The following POLR1E variants were observed in gnomAD, a reference collection of about 807,000 sequenced individuals.
The protein encoded by POLR1E is DNA-directed RNA polymerase I subunit RPA49.
Under a neutral mutation model 50.9 loss-of-function variants are expected in POLR1E, and 37 were observed. That is an observed-to-expected ratio of 0.73 (90% CI 0.56 to 0.96). POLR1E has a LOEUF of 0.96. POLR1E is among the 40% of genes least tolerant of loss of function. The probability of loss-of-function intolerance (pLI) is 0.00; values close to 1 mark genes in which losing one functional copy is unlikely to be tolerated. For synonymous variants in POLR1E, 166 were observed against 191.6 expected (o/e 0.87, Z 1.10); for missense variants, 426 against 518.1 (o/e 0.82, Z 1.73).
intron 3 of POLR1E, among the ~76,000 whole-genome samples, chr9:37,488,330 C>G (rs1318145823): frequency 3.9e-5 from 6 of 152,072 alleles, no homozygotes; most frequent in African/African-American, 1.4e-4. Context: ...GCCTGGGATT[C>G]CCATCCAGCT....
chr9:37,488,032 C>G lies in POLR1E; in HGVS notation c.257+93C>G, dbSNP rs189709984. 1,270 of 1,289,544 alleles carry G rather than the reference C, an allele frequency of 9.8e-4. 12 individuals are homozygous for G. The African/African-American group carries it at 0.016, about 16-fold the overall frequency. The allele number at this position is 1,289,544 out of a possible 1,614,324, so 79.9% of individuals were successfully genotyped here. A position where few individuals can be genotyped will look rare whatever the true frequency, so the allele number is the denominator to read the frequency against. Reference sequence around the variant, plus strand: ...TGTTTCCTGTCTGTTTTAAGGGTAGCAGGAGCCATCTAGAGAGGTTTACTA... The same window carrying G: ...TGTTTCCTGTCTGTTTTAAGGGTAGGAGGAGCCATCTAGAGAGGTTTACTA... On this transcript the variant is annotated intron_variant, in intron 3 of 11. Transcript: ENST00000377798.
At chr9:37,497,799 C>T (rs1039809053) in intron 8 of POLR1E, among the ~76,000 whole-genome samples, 1 of 152,090 alleles carries the variant, frequency 6.6e-6, no homozygotes, top group African/African-American at 2.4e-5. Flanking sequence ...GGGTCTTGCT[C>T]TGTCACCTAG....
chr9:37,493,724 C>A, intron 6 of POLR1E, 21 bp downstream of exon 6: 1 of 1,487,332 alleles, frequency 6.7e-7, no homozygotes, highest in Non-Finnish European at 9.0e-7. Flanking sequence ...GGAACTTGGG[C>A]TAAGAGTCTG....
At chr9:37,495,758 A>C (rs781475349) in intron 7 of POLR1E, 132 bp from the exon 8 acceptor site, 1 of 646,974 alleles carries the variant, frequency 1.5e-6, no homozygotes, top group Non-Finnish European at 2.8e-6. Flanking sequence ...CTCTGCCCCT[A>C]TGTGATCTGC....
chr9:37,498,114 C>T lies in POLR1E; in HGVS notation c.776C>T (p.Ala259Val), dbSNP rs758900850. Residue 259 changes from alanine to valine, a missense_variant, in exon 9 of 12, where the codon GCG becomes GTG. Physicochemically the swap from Ala to Val is moderately conservative, Grantham distance 64. Coordinates refer to ENST00000377798, the MANE Select transcript of POLR1E (RefSeq NM_022490.4). ...ENSHCTFVIEALKSLPSDVES... is the reference protein window; with the variant it reads ...ENSHCTFVIEVLKSLPSDVES... The stretch of plus-strand genomic sequence containing the variant: ...AGCCATTGCACCTTTGTCATAGAAG[C>T]GTTGAAGTCTTTGCCATCAGATGTG... 1.5e-5 allele frequency: 24 copies of T among 1,613,870 alleles called. No homozygotes were observed. The highest frequency in any genetic ancestry group is 1.1e-4 in the South Asian group (10 of 91,074).
rs731993 is a variant in POLR1E at position 37,487,129 on chromosome 9, G to A, written c.180+323G>A. ...CAACCTCAGGACTATTGACTTTTTGGGCCAATAATTCTTTGCTGTGGGGGC... is the reference window on the plus strand; with the variant it reads ...CAACCTCAGGACTATTGACTTTTTGAGCCAATAATTCTTTGCTGTGGGGGC... On this transcript the variant is annotated intron_variant, in intron 2 of 11. Coordinates refer to ENST00000377798, the MANE Select transcript of POLR1E (RefSeq NM_022490.4). 3.8e-3 allele frequency among the ~76,000 whole-genome samples: 581 copies of A among 152,232 alleles called. 7 individuals carry two copies. The highest frequency in any genetic ancestry group is 0.013 in the African/African-American group (539 of 41,534).
At chr9:37,495,823 C>A in intron 7 of POLR1E, 67 bp from the exon 8 acceptor site, 4 of 1,144,608 alleles carry the variant, frequency 3.5e-6, no homozygotes, top group South Asian at 1.2e-5. Context: ...AATGCCACTG[C>A]TATGAGATGA....
At chr9:37,493,800 T>C in intron 6 of POLR1E, 97 bp downstream of exon 6, 1 of 1,287,804 alleles carries the variant, frequency 7.8e-7, no homozygotes, top group Non-Finnish European at 1.0e-6. Flanking sequence ...TGCTGGGAGC[T>C]AGGGCTGGAT....
At chr9:37,501,082 A>G (rs1313239578) in intron 10 of POLR1E, among the ~76,000 whole-genome samples, 161 bp downstream of exon 10, 2 of 152,182 alleles carry the variant, frequency 1.3e-5, no homozygotes, top group Non-Finnish European at 2.9e-5. Context: ...AAGTTTAGCA[A>G]ATGCTAAATA....
chr9:37,490,417 C>G (rs1302281362), intron 4 of POLR1E: 1 of 758,568 alleles, frequency 1.3e-6, no homozygotes, highest in East Asian at 2.5e-5. Flanking sequence ...TTTTTAAACA[C>G]CTGTCACGCC....
intron 7 of POLR1E, among the ~76,000 whole-genome samples, chr9:37,495,670 C>G (rs2119009999): frequency 6.6e-6 from 1 of 152,268 alleles, no homozygotes; most frequent in Non-Finnish European, 1.5e-5. Context: ...CCTGCAGTGG[C>G]TTTGTGATGA....
At chr9:37,495,299 G>C in intron 7 of POLR1E, 23 bp downstream of exon 7, 1 of 1,576,274 alleles carries the variant, frequency 6.3e-7, no homozygotes, top group South Asian at 1.1e-5. Flanking sequence ...CAGTAGAAAA[G>C]CTGCCTTATT....
intron 4 of POLR1E, among the ~76,000 whole-genome samples, chr9:37,491,933 C>G (rs1820692701): frequency 6.6e-6 from 1 of 152,188 alleles, no homozygotes; most frequent in Non-Finnish European, 1.5e-5. Flanking sequence ...GTTGATTAAA[C>G]ATATTTTTGT....
chr9:37,487,805 G>T, intron 2 of POLR1E, 58 bp from the exon 3 acceptor site: 1 of 1,505,318 alleles, frequency 6.6e-7, no homozygotes, highest in Non-Finnish European at 9.2e-7. Flanking sequence ...AAAGAGAAAT[G>T]ATGCTTAATA....
intron 4 of POLR1E, chr9:37,490,725 A>G: frequency 1.0e-5 from 7 of 674,998 alleles, no homozygotes; most frequent in Non-Finnish European, 1.4e-5. Context: ...TAGCCATGGT[A>G]ACACTTGAGG....
chr9:37,486,776 C>T lies in POLR1E; in HGVS notation c.150C>T (p.Thr50=). Residue 50 remains threonine (T), a synonymous_variant, in exon 2 of 12, where the codon ACC becomes ACT. Transcript: ENST00000377798. ...CCTTGTATGAGAACAAAGATTCCACCAACCCCAGGAAGAGGAATCAACGGA... is the reference window on the plus strand; with the variant it reads ...CCTTGTATGAGAACAAAGATTCCACTAACCCCAGGAAGAGGAATCAACGGA... ...RFTLYENKDS[T]NPRKRNQRIL... is the part of the protein sequence containing the mutation. The T allele has an allele frequency of 6.2e-7, 1 of 1,613,462 alleles. No individual in the cohort carries two copies. The highest frequency in any genetic ancestry group is 2.2e-5 in the East Asian group (1 of 44,878).
At chr9:37,493,781 C>T (rs1282501056) in intron 6 of POLR1E, 78 bp downstream of exon 6, 9 of 1,358,226 alleles carry the variant, frequency 6.6e-6, no homozygotes, top group Admixed American at 2.6e-5. Flanking sequence ...TACCCACCCA[C>T]ACATGGAATG....
intron 8 of POLR1E, among the ~76,000 whole-genome samples, chr9:37,496,457 A>G (rs1820786516): frequency 6.6e-6 from 1 of 152,036 alleles, no homozygotes; most frequent in Admixed American, 6.5e-5. Context: ...CTTTCCCATT[A>G]AAACAGCTTC....
chr9:37,502,431 T>A (rs1185239619), intron 11 of POLR1E, among the ~76,000 whole-genome samples: 1 of 152,214 alleles, frequency 6.6e-6, no homozygotes, highest in Non-Finnish European at 1.5e-5. Context: ...CTGGGAGAGC[T>A]GGTGGTGGAG....
Sources: allele counts gnomAD v4.1 joint callset (sites outside exome capture counted in the v4.1 genomes callset), GRCh38; gene constraint gnomAD v4.1.1; transcripts MANE v1.5; gene names NCBI Gene and HGNC (gene_info 2026-07-23, HGNC 2026-07-21).